SOS2: variants seen among roughly 807,000 people sequenced by gnomAD.
The protein encoded by SOS2 is SOS Ras/Rho guanine nucleotide exchange factor 2.
A neutral mutation model predicts 148.2 loss-of-function variants in SOS2; 65 were observed. The observed-to-expected ratio is 0.44, with a 90% CI of 0.36 to 0.54. The LOEUF is 0.54. Among genes scored for constraint, SOS2 ranks in the 20% least tolerant of loss-of-function variants. SOS2 has a pLI of 0.00. For synonymous variants in SOS2, 539 were observed against 537.1 expected (o/e 1.00, Z -0.05); for missense variants, 1,341 against 1,590.2 (o/e 0.84, Z 2.67).
chr14:50,122,390 G>GGTTTTTTTTTTTTTTTTTT (rs1566816230), intron 21 of SOS2, among the ~76,000 whole-genome samples: 1 of 60,556 alleles, frequency 1.7e-5, no homozygotes, highest in African/African-American at 8.2e-5. Flanking sequence ...AGAACCCTGG[G>GGTTTTTTTTTTTTTTTTTT]CTTTTTTTTT....
chr14:50,221,327 A>G (rs1215016763), intron 1 of SOS2, among the ~76,000 whole-genome samples: 1 of 152,122 alleles, frequency 6.6e-6, no homozygotes, highest in Non-Finnish European at 1.5e-5. Flanking sequence ...CAGGCCAAAC[A>G]CCCACGTCTG....
chr14:50,199,079 G>A (rs1886402074), intron 4 of SOS2, among the ~76,000 whole-genome samples: 1 of 152,132 alleles, frequency 6.6e-6, no homozygotes, highest in African/African-American at 2.4e-5. Flanking sequence ...CTTGAGCCAG[G>A]GAGGCAAAGT....
intron 8 of SOS2, among the ~76,000 whole-genome samples, chr14:50,174,212 G>T (rs1885455509): frequency 6.6e-6 from 1 of 151,944 alleles, no homozygotes; most frequent in Non-Finnish European, 1.5e-5. Flanking sequence ...TTAATGTGTT[G>T]CTTGGGTCCC....
At chr14:50,180,533 T>TAA (rs199667374) in intron 7 of SOS2, 39 bp downstream of exon 7, 552 of 416,384 alleles carry the variant, frequency 1.3e-3, no homozygotes, top group South Asian at 4.5e-3. Flanking sequence ...TTTGCTTTAT[T>TAA]AAAAAAAAAA....
At chr14:50,192,869 G>GA (rs370084191) in intron 4 of SOS2, among the ~76,000 whole-genome samples, 21,482 of 148,010 alleles carry the variant, frequency 0.15, 1,984 homozygotes, top group African/African-American at 0.26. Context: ...GTCTCAGAAG[G>GA]AAAAAAAAAA....
intron 9 of SOS2, among the ~76,000 whole-genome samples, chr14:50,160,908 G>A (rs1190570846): frequency 6.6e-6 from 1 of 152,174 alleles, no homozygotes; most frequent in East Asian, 1.9e-4. Flanking sequence ...TACTCCAGAG[G>A]GTTGAGGCAG....
intron 13 of SOS2, among the ~76,000 whole-genome samples, chr14:50,152,543 A>G (rs927245483): frequency 3.9e-5 from 6 of 152,254 alleles, no homozygotes; most frequent in African/African-American, 7.2e-5. Flanking sequence ...TAAAAGAAAT[A>G]TTCTCCTCAA....
chr14:50,173,468 C>T (rs921452260), intron 8 of SOS2, among the ~76,000 whole-genome samples: 3 of 151,954 alleles, frequency 2.0e-5, no homozygotes, highest in Non-Finnish European at 4.4e-5. Context: ...GTCGCCCAGG[C>T]TGGAGTGCAG....
At chr14:50,208,542 G>C (rs1369979615) in intron 1 of SOS2, among the ~76,000 whole-genome samples, 1 of 152,088 alleles carries the variant, frequency 6.6e-6, no homozygotes, top group Non-Finnish European at 1.5e-5. Flanking sequence ...CAGCTACTCG[G>C]GAGGCTGAGG....
At chr14:50,212,366 C>T (rs1282824134) in intron 1 of SOS2, among the ~76,000 whole-genome samples, 5 of 151,986 alleles carry the variant, frequency 3.3e-5, no homozygotes, top group Admixed American at 1.3e-4. Context: ...CCCAGCTACT[C>T]GGGAGGCTGA....
At chr14:50,212,143 G>C (rs1454472306) in intron 1 of SOS2, among the ~76,000 whole-genome samples, 3 of 152,172 alleles carry the variant, frequency 2.0e-5, no homozygotes, top group African/African-American at 7.2e-5. Context: ...TTAAACAATG[G>C]TGTTAAGGGA....
At chr14:50,192,937 T>C (rs935655937) in intron 4 of SOS2, among the ~76,000 whole-genome samples, 5 of 152,168 alleles carry the variant, frequency 3.3e-5, no homozygotes, top group African/African-American at 1.2e-4. Context: ...ACTGCTAGTA[T>C]ATCTAGATCT....
At chr14:50,209,274 CGTGTGTGTGTGTGTGTGTGT>C (rs140994310) in intron 1 of SOS2, among the ~76,000 whole-genome samples, 10 of 118,376 alleles carry the variant, frequency 8.4e-5, no homozygotes, top group African/African-American at 1.7e-4. Context: ...CCTTAAATGT[CGTGTGTGTGTGTGTGTGTGT>C]GTGTGTGTGT....
At position 50,199,837 on chromosome 14, in the gene SOS2, C is replaced by T. The variant is rs1208838203; in HGVS notation, c.364G>A (p.Val122Met). 13 of 1,579,362 alleles carry T rather than the reference C, an allele frequency of 8.2e-6. No homozygotes were observed. The highest frequency in any genetic ancestry group is 1.1e-5 in the Non-Finnish European group (13 of 1,156,034). Reference protein sequence around the residue: ...PSLKEVLGYKVDYHVSLYIVA... With the variant: ...PSLKEVLGYKMDYHVSLYIVA... ...ATATATAGGGATACATGGTAGTCCA[C>T]TTTGTACCCTAATACTTCCTGTGAA... Residue 122 changes from valine to methionine, a missense_variant, in exon 4 of 23, where the codon GTG (valine) becomes ATG (methionine). Physicochemically the swap from Val to Met is conservative, Grantham distance 21. Around this residue, in one of 4 missense-constraint regions of SOS2, gnomAD observed 574 missense variants for 711.1 expected, o/e 0.81. Coordinates refer to ENST00000216373, the MANE Select transcript of SOS2 (RefSeq NM_006939.4).
intron 4 of SOS2, among the ~76,000 whole-genome samples, chr14:50,192,628 C>G (rs959453824): frequency 2.0e-5 from 3 of 152,034 alleles, no homozygotes; most frequent in African/African-American, 7.2e-5. Flanking sequence ...CTTTGGGAGG[C>G]CAAGGCAGGC....
chr14:50,216,670 G>A lies in SOS2; in HGVS notation c.88-12261C>T, dbSNP rs562894823. On this transcript the variant is annotated intron_variant, in intron 1 of 22. Coordinates refer to ENST00000216373, the MANE Select transcript of SOS2 (RefSeq NM_006939.4). ...GAATCGCTGGAACCCGGGAGGCAGA[G>A]GTTGCAGTGAGCTGAGATCGTGCTG... Among the ~76,000 whole-genome samples, 68 of 152,176 alleles carry A rather than the reference G, an allele frequency of 4.5e-4. 1 individual carries two copies. The highest frequency in any genetic ancestry group is 1.4e-3 in the African/African-American group (60 of 41,538).
chr14:50,138,313 T>A (rs568781620), intron 18 of SOS2, among the ~76,000 whole-genome samples: 1 of 151,980 alleles, frequency 6.6e-6, no homozygotes, highest in East Asian at 1.9e-4. Context: ...CCCAGCACCA[T>A]GCCCAGCTAA....
chr14:50,224,430 G>A (rs1032370815), intron 1 of SOS2, among the ~76,000 whole-genome samples: 2 of 150,488 alleles, frequency 1.3e-5, no homozygotes, highest in African/African-American at 4.9e-5. Flanking sequence ...GAGGAATCAA[G>A]GGAAGGGAAA....
Position 50,134,002 on chromosome 14 carries a change from C to G in SOS2, c.3075+121G>C, listed in dbSNP as rs762912070. ...CCCCAGTTTTAGAAATAGTATATTA[C>G]TGCAAACAAAACACCTAGGAACAGC... On this transcript the variant is annotated intron_variant, in intron 19 of 22. Coordinates refer to ENST00000216373, the MANE Select transcript of SOS2 (RefSeq NM_006939.4). The G allele has an allele frequency of 7.0e-4, 485 of 690,816 alleles. 1 individual carries two copies. The highest frequency in any genetic ancestry group is 1.1e-3 in the Non-Finnish European group (407 of 382,934). The allele number at this position is 690,816 out of a possible 1,614,324, so 42.8% of individuals were successfully genotyped here. A position where few individuals can be genotyped will look rare whatever the true frequency, so the allele number is the denominator to read the frequency against.
Sources: allele counts gnomAD v4.1 joint callset (sites outside exome capture counted in the v4.1 genomes callset), GRCh38; gene constraint gnomAD v4.1.1; regional missense constraint gnomAD v4.1.1; transcripts MANE v1.5; gene names NCBI Gene and HGNC (gene_info 2026-07-23, HGNC 2026-07-21).